Variants in PLD5 observed in about 807,000 individuals in gnomAD.
PLD5 encodes the protein inactive phospholipase D5.
In PLD5, 36 loss-of-function variants were observed where a neutral mutation model predicts 61.1. That is an observed-to-expected ratio of 0.59 (90% CI 0.45 to 0.78). The LOEUF is 0.78. Among genes scored for constraint, PLD5 ranks in the 30% least tolerant of loss-of-function variants. The pLI is 0.00. For missense variants in PLD5, 515 were observed against 644.4 expected (o/e 0.80, Z 2.17); for synonymous variants, 243 against 242.8 (o/e 1.00, Z -0.01).
chr1:242,510,829 A>G (rs1158598293), intron 1 of PLD5, among the ~76,000 whole-genome samples: 2 of 151,912 alleles, frequency 1.3e-5, no homozygotes, highest in East Asian at 1.9e-4. Context: ...TGGGTGACAG[A>G]GCGAGACTCT....
intron 3 of PLD5, among the ~76,000 whole-genome samples, chr1:242,280,071 T>C (rs1674636134): frequency 6.6e-6 from 1 of 152,190 alleles, no homozygotes; most frequent in Admixed American, 6.5e-5. Context: ...GTTTTACAAA[T>C]ATTATCTAAT....
At position 242,179,282 on chromosome 1, in the gene PLD5, A is replaced by G. The variant is rs550623906; in HGVS notation, c.735+40706T>C. On this transcript the variant is annotated intron_variant, in intron 5 of 9. Transcript: ENST00000536534. ...AACAAGGCAGTGAAATAATGAGGGC[A>G]AGGGGAGCAGACGGAGCATTCTGTT... Among the ~76,000 whole-genome samples the G allele has an allele frequency of 2.6e-5, 4 of 152,320 alleles. No individual in the cohort carries two copies. In the East Asian group the frequency reaches 5.8e-4, roughly 22 times the overall value.
intron 1 of PLD5, among the ~76,000 whole-genome samples, chr1:242,474,132 G>A (rs1667519090): frequency 6.6e-6 from 1 of 152,230 alleles, no homozygotes; most frequent in Non-Finnish European, 1.5e-5. Context: ...AGAAATCAGT[G>A]AGAGACATTA....
chr1:242,346,795 C>T lies in PLD5; in HGVS notation c.326+1311G>A, dbSNP rs560007256. ...TCCATCAGCTATTCTTCCTGATGCT[C>T]TCCGTCCTCCCACCCCTGACTCTCC... is the stretch of plus-strand genomic sequence containing the variant. On this transcript the variant is annotated intron_variant, in intron 2 of 9. Coordinates refer to ENST00000536534, the MANE Select transcript of PLD5 (RefSeq NM_001372062.1). 7.7e-4 allele frequency among the ~76,000 whole-genome samples: 118 copies of T among 152,272 alleles called. 3 individuals carry two copies. The South Asian group carries it at 0.017, about 22-fold the overall frequency.
chr1:242,179,224 G>A (rs867095928), intron 5 of PLD5, among the ~76,000 whole-genome samples: 1 of 152,098 alleles, frequency 6.6e-6, no homozygotes, highest in Non-Finnish European at 1.5e-5. Context: ...GAAGCATCAG[G>A]ACAGACCCTT....
At chr1:242,296,176 T>C (rs1675644690) in intron 2 of PLD5, among the ~76,000 whole-genome samples, 1 of 152,196 alleles carries the variant, frequency 6.6e-6, no homozygotes. Context: ...GCATTTTTCT[T>C]ATGTTGGTTG....
intron 5 of PLD5, among the ~76,000 whole-genome samples, chr1:242,133,035 G>A (rs778300466): frequency 2.9e-4 from 9 of 30,762 alleles, no homozygotes; most frequent in East Asian, 1.2e-3. Flanking sequence ...TCCCACCCCC[G>A]CACACCGCCC....
At chr1:242,218,912 C>G (rs550503951) in intron 5 of PLD5, among the ~76,000 whole-genome samples, 1 of 152,086 alleles carries the variant, frequency 6.6e-6, no homozygotes, top group African/African-American at 2.4e-5. Context: ...TCTTTACATG[C>G]GTAGAAAAAT....
intron 3 of PLD5, among the ~76,000 whole-genome samples, chr1:242,276,968 G>A (rs1219168073): frequency 1.3e-5 from 2 of 152,092 alleles, no homozygotes; most frequent in East Asian, 3.9e-4. Context: ...AGATGAATAT[G>A]CTCATCATGC....
intron 2 of PLD5, among the ~76,000 whole-genome samples, chr1:242,300,722 C>T (rs1675987204): frequency 2.0e-5 from 3 of 152,020 alleles, no homozygotes; most frequent in South Asian, 4.1e-4. Context: ...GAGGATGACC[C>T]CTGATGTTTG....
At chr1:242,494,062 T>C in intron 1 of PLD5, among the ~76,000 whole-genome samples, 1 of 93,008 alleles carries the variant, frequency 1.1e-5, no homozygotes, top group African/African-American at 3.7e-5. Flanking sequence ...CATGTTTCCC[T>C]TCCCTCCACT....
rs34759131 is a variant in PLD5, at chr1:242,215,043, A to ATT, written c.735+4943_735+4944dup. ...TTGTGCCTGCCACCGTGCCTGGCCA[A>ATT]TTTTTTTTTTTTTTTTTTGTATTTT... On this transcript the variant is annotated intron_variant, in intron 5 of 9. Transcript: ENST00000536534. Among the ~76,000 whole-genome samples, 179 of 120,592 alleles carry ATT rather than the reference A, an allele frequency of 1.5e-3. 1 individual carries two copies. The South Asian group carries it at 0.023, about 16-fold the overall frequency. 79.1% of individuals were successfully genotyped at this position (120,592 alleles called of 152,430 possible). A position where few individuals can be genotyped will look rare whatever the true frequency, so the allele number is the denominator to read the frequency against.
At chr1:242,525,435 C>G (rs527326306), upstream of PLD5, among the ~76,000 whole-genome samples, 1 of 152,340 alleles carries the variant, frequency 6.6e-6, no homozygotes, top group East Asian at 1.9e-4. Flanking sequence ...TTTCTTTTCT[C>G]TGTTTCTAGG....
At chr1:242,169,239 C>T (rs1370222242) in intron 5 of PLD5, among the ~76,000 whole-genome samples, 1 of 152,086 alleles carries the variant, frequency 6.6e-6, no homozygotes, top group Non-Finnish European at 1.5e-5. Context: ...ACTGAGGTAC[C>T]AGGTTCATCT....
chr1:242,376,084 A>G (rs1661935604), intron 1 of PLD5, among the ~76,000 whole-genome samples: 7 of 152,204 alleles, frequency 4.6e-5, no homozygotes, highest in Admixed American at 4.6e-4. Flanking sequence ...TGGTCTAACT[A>G]CGTATTTGCA....
intron 1 of PLD5, among the ~76,000 whole-genome samples, chr1:242,437,166 T>G (rs2810025): frequency 0.54 from 81,484 of 151,986 alleles, 22,311 homozygotes; most frequent in African/African-American, 0.62. Context: ...TGCTTAAAAA[T>G]AGCACAATTA....
chr1:242,143,432 AT>A (rs1464520448), intron 5 of PLD5, among the ~76,000 whole-genome samples: 4 of 152,138 alleles, frequency 2.6e-5, no homozygotes, highest in Admixed American at 6.5e-5. Flanking sequence ...TAATAGTTTG[AT>A]TGGTGAATGA....
intron 1 of PLD5, among the ~76,000 whole-genome samples, chr1:242,413,303 ATC>A (rs1202822575): frequency 6.8e-6 from 1 of 147,754 alleles, no homozygotes; most frequent in Admixed American, 6.8e-5. Flanking sequence ...TGTCGTCATG[ATC>A]TCTCTTTTTT....
chr1:242,355,403 A>G (rs192942844), intron 1 of PLD5, among the ~76,000 whole-genome samples: 4 of 152,158 alleles, frequency 2.6e-5, no homozygotes, highest in Admixed American at 6.5e-5. Flanking sequence ...TTGTTGGCAT[A>G]TAATAGTTCA....
Sources: allele counts gnomAD v4.1 joint callset (sites outside exome capture counted in the v4.1 genomes callset), GRCh38; gene constraint gnomAD v4.1.1; transcripts MANE v1.5; gene names NCBI Gene and HGNC (gene_info 2026-07-23, HGNC 2026-07-21).